SEMA5A: variants seen among roughly 807,000 people sequenced by gnomAD.
SEMA5A encodes the protein semaphorin-5A.
A neutral mutation model predicts 135.5 loss-of-function variants in SEMA5A; 55 were observed. That is an observed-to-expected ratio of 0.41 (90% confidence interval 0.33 to 0.51). SEMA5A has a LOEUF of 0.51. SEMA5A is among the 20% of genes least tolerant of loss of function. The pLI, the probability that SEMA5A is intolerant of heterozygous loss-of-function variation, is 0.37. For missense variants in SEMA5A, 1,290 were observed against 1,419.9 expected (o/e 0.91, Z 1.47); for synonymous variants, 580 against 546.5 (o/e 1.06, Z -0.85).
chr5:9,349,454 AC>A (rs1754016804), intron 3 of SEMA5A, among the ~76,000 whole-genome samples: 1 of 152,216 alleles, frequency 6.6e-6, no homozygotes, highest in Non-Finnish European at 1.5e-5. Flanking sequence ...GATGAGATAC[AC>A]ACAAAAGAGA....
At chr5:9,136,425 A>G (rs777687793) in intron 13 of SEMA5A, 79 bp downstream of exon 13, 15 of 1,184,434 alleles carry the variant, frequency 1.3e-5, no homozygotes, top group Non-Finnish European at 1.9e-5. Context: ...AGACAGCGTG[A>G]CAGTGTGACT....
intron 19 of SEMA5A, among the ~76,000 whole-genome samples, chr5:9,052,467 C>T (rs1206448770): frequency 6.6e-6 from 1 of 152,160 alleles, no homozygotes; most frequent in Non-Finnish European, 1.5e-5. Flanking sequence ...CTCCACCTTC[C>T]TCTGTGCTCA....
At chr5:9,308,557 T>A (rs559322812) in intron 5 of SEMA5A, among the ~76,000 whole-genome samples, 3 of 152,244 alleles carry the variant, frequency 2.0e-5, no homozygotes, top group African/African-American at 7.2e-5. Flanking sequence ...AGAACCCCTA[T>A]CTCAGACTGT....
At chr5:9,207,968 G>GT (rs369874883) in intron 8 of SEMA5A, among the ~76,000 whole-genome samples, 132 of 152,204 alleles carry the variant, frequency 8.7e-4, no homozygotes, top group African/African-American at 3.0e-3. Flanking sequence ...GTATATGTGT[G>GT]TATCACATAC....
chr5:9,163,089 T>C (rs1743383244), intron 11 of SEMA5A, among the ~76,000 whole-genome samples: 1 of 152,124 alleles, frequency 6.6e-6, no homozygotes, highest in Admixed American at 6.6e-5. Context: ...CTGTGATGTA[T>C]AGACATGTGC....
chr5:9,423,660 G>A (rs960356334), intron 2 of SEMA5A, among the ~76,000 whole-genome samples: 1 of 152,158 alleles, frequency 6.6e-6, no homozygotes, highest in African/African-American at 2.4e-5. Context: ...ATAAAACTCT[G>A]GTGACATCCT....
At chr5:9,237,923 G>T in intron 5 of SEMA5A, 33 bp from the exon 6 acceptor site, 4 of 1,598,208 alleles carry the variant, frequency 2.5e-6, no homozygotes, top group East Asian at 2.2e-5. Context: ...AGCAGTCATG[G>T]TTTTGACTAA....
intron 5 of SEMA5A, among the ~76,000 whole-genome samples, chr5:9,297,479 C>A (rs1751397496): frequency 6.6e-6 from 1 of 152,180 alleles, no homozygotes; most frequent in Non-Finnish European, 1.5e-5. Flanking sequence ...GTGCCCTCAG[C>A]AGACACTGAA....
chr5:9,183,223 G>A (rs190100560), intron 11 of SEMA5A, among the ~76,000 whole-genome samples: 4 of 152,294 alleles, frequency 2.6e-5, no homozygotes, highest in Admixed American at 6.5e-5. Context: ...GAAACAGAAA[G>A]AGACATCTGC....
At chr5:9,391,609 C>T (rs1756164133) in intron 2 of SEMA5A, among the ~76,000 whole-genome samples, 3 of 152,148 alleles carry the variant, frequency 2.0e-5, no homozygotes, top group Admixed American at 2.0e-4. Flanking sequence ...CAAATCCCGT[C>T]ACTACTTCCT....
chr5:9,087,928 C>T (rs1173982892), intron 16 of SEMA5A, among the ~76,000 whole-genome samples: 1 of 152,144 alleles, frequency 6.6e-6, no homozygotes, highest in Non-Finnish European at 1.5e-5. Context: ...CTTTTTGCTT[C>T]AATTTCTATT....
intron 1 of SEMA5A, among the ~76,000 whole-genome samples, chr5:9,492,356 C>T (rs771265987): frequency 3.3e-5 from 5 of 152,172 alleles, no homozygotes; most frequent in Admixed American, 6.5e-5. Context: ...GAAATTCACA[C>T]AAATGGGAAA....
intron 1 of SEMA5A, among the ~76,000 whole-genome samples, chr5:9,442,047 C>T (rs1158838236): frequency 6.6e-6 from 1 of 152,188 alleles, no homozygotes; most frequent in East Asian, 1.9e-4. Context: ...CAGAGAACTC[C>T]AGGTATGAGG....
chr5:9,101,115 T>C (rs914402775), intron 16 of SEMA5A, among the ~76,000 whole-genome samples: 1 of 152,248 alleles, frequency 6.6e-6, no homozygotes, highest in African/African-American at 2.4e-5. Context: ...TTTCGGTTTT[T>C]AGTTAGAACC....
chr5:9,064,710 G>C (rs1737370540), intron 17 of SEMA5A, among the ~76,000 whole-genome samples: 1 of 152,138 alleles, frequency 6.6e-6, no homozygotes, highest in Non-Finnish European at 1.5e-5. Context: ...CTGGGCAACA[G>C]AGCGAGACCC....
chr5:9,207,858 TA>T (rs1746118967), intron 8 of SEMA5A, among the ~76,000 whole-genome samples: 1 of 79,370 alleles, frequency 1.3e-5, no homozygotes, highest in Non-Finnish European at 2.5e-5. Context: ...TGATGATAGA[TA>T]GATAGATAGA....
At chr5:9,181,223 AT>A (rs1392618390) in intron 11 of SEMA5A, among the ~76,000 whole-genome samples, 2 of 152,118 alleles carry the variant, frequency 1.3e-5, no homozygotes, top group African/African-American at 4.8e-5. Context: ...TTACTCCCTC[AT>A]TCTTCCTCCT....
intron 1 of SEMA5A, among the ~76,000 whole-genome samples, chr5:9,485,355 T>C (rs558352096): frequency 1.8e-4 from 28 of 152,260 alleles, no homozygotes; most frequent in African/African-American, 6.7e-4. Flanking sequence ...GAGAAATTCC[T>C]GAAAGACAGA....
intron 3 of SEMA5A, among the ~76,000 whole-genome samples, chr5:9,351,047 G>A (rs1481844571): frequency 6.6e-6 from 1 of 152,218 alleles, no homozygotes; most frequent in Non-Finnish European, 1.5e-5. Flanking sequence ...AGATGTGTTA[G>A]TTTGGAAGAG....
Sources: gnomAD v4.1 joint callset for allele counts (sites outside exome capture counted in the v4.1 genomes callset) on GRCh38, gnomAD v4.1.1 for gene constraint, MANE v1.5 for transcripts, NCBI Gene and HGNC (gene_info 2026-07-23, HGNC 2026-07-21) for gene names.